Variants in TECR observed in about 807,000 individuals in gnomAD.
The protein encoded by TECR is very-long-chain enoyl-CoA reductase.
Under a neutral mutation model 50.6 loss-of-function variants are expected in TECR, and 19 were observed. The ratio of observed to expected loss-of-function variants is 0.38; its 90% CI spans 0.26 to 0.55. TECR has a LOEUF of 0.55. Ranked by LOEUF, TECR falls within the 20% of genes least tolerant of loss-of-function variation. The pLI is 0.79. For synonymous variants in TECR, 168 were observed against 163.5 expected (o/e 1.03, Z -0.21); for missense variants, 313 against 408.3 (o/e 0.77, Z 2.01).
intron 1 of TECR, among the ~76,000 whole-genome samples, chr19:14,538,243 G>T (rs369147424): frequency 1.3e-5 from 2 of 152,128 alleles, no homozygotes; most frequent in East Asian, 3.9e-4. Context: ...ACTGGGGAAA[G>T]AATCAAGTGT....
chr19:14,530,177 A>T (rs2072575948), intron 1 of TECR: 1 of 192,126 alleles, frequency 5.2e-6, no homozygotes, highest in Admixed American at 5.4e-5. Flanking sequence ...TTCCCGGGAG[A>T]CTTAGGCGGT....
rs2073745395 is a variant in TECR at position 14,556,856 on chromosome 19, G to A, written c.16-5669G>A. On this transcript the variant is annotated intron_variant, in intron 1 of 12. Coordinates refer to ENST00000215567, the MANE Select transcript of TECR (RefSeq NM_138501.6). Reference sequence around the variant, plus strand: ...GGCAGTGGGGAGCGTCGCAGCCTCCGCCGCTTGCAGCCAGTCATCCCGGTG... The same window carrying A: ...GGCAGTGGGGAGCGTCGCAGCCTCCACCGCTTGCAGCCAGTCATCCCGGTG... Among the ~76,000 whole-genome samples the A allele has an allele frequency of 1.3e-5, 2 of 152,122 alleles. 1 individual carries two copies. Among genetic ancestry groups the A allele is most frequent in the South Asian group, 4.1e-4 (2 of 4,824 alleles).
upstream of TECR, chr19:14,529,040 G>C (rs2072508091): frequency 6.4e-6 from 1 of 156,758 alleles, no homozygotes; most frequent in Non-Finnish European, 1.4e-5. Flanking sequence ...GTTCTTGCAG[G>C]TTGGGGGTTC....
intron 2 of TECR, 124 bp downstream of exon 2, chr19:14,562,699 C>A: frequency 8.9e-7 from 1 of 1,120,636 alleles, no homozygotes; most frequent in Non-Finnish European, 1.4e-6. Flanking sequence ...GAGGGGTATG[C>A]CCTCACTTGG....
chr19:14,528,115 C>G (rs1313603159), upstream of TECR, among the ~76,000 whole-genome samples: 1 of 151,948 alleles, frequency 6.6e-6, no homozygotes, highest in South Asian at 2.1e-4. Flanking sequence ...AATTCCTGAC[C>G]TCATGTGATC....
At chr19:14,558,977 G>T (rs2073826487) in intron 1 of TECR, among the ~76,000 whole-genome samples, 1 of 152,158 alleles carries the variant, frequency 6.6e-6, no homozygotes, top group African/African-American at 2.4e-5. Flanking sequence ...TCAGGCCTGG[G>T]CAGGCGTGTG....
At chr19:14,550,496 G>A (rs552454182) in intron 1 of TECR, among the ~76,000 whole-genome samples, 310 of 152,154 alleles carry the variant, frequency 2.0e-3, no homozygotes, top group Non-Finnish European at 2.2e-3. Context: ...TTCCTGGTCC[G>A]ACAGCGCCTT....
chr19:14,550,378 C>G (rs1313779890), intron 1 of TECR, among the ~76,000 whole-genome samples: 1 of 152,134 alleles, frequency 6.6e-6, no homozygotes, highest in Non-Finnish European at 1.5e-5. Context: ...TGGGGGTGGA[C>G]TAACCTGTCT....
chr19:14,533,073 C>T (rs1439977231), intron 1 of TECR, among the ~76,000 whole-genome samples: 1 of 151,814 alleles, frequency 6.6e-6, no homozygotes. Flanking sequence ...GATCACGCCA[C>T]TGTACTCCAG....
chr19:14,560,748 C>T (rs560682905), intron 1 of TECR, among the ~76,000 whole-genome samples: 1 of 152,316 alleles, frequency 6.6e-6, no homozygotes, highest in South Asian at 2.1e-4. Context: ...CCCTCCTGTC[C>T]AGGAAGTGGG....
At chr19:14,534,844 G>T (rs1013109051) in intron 1 of TECR, among the ~76,000 whole-genome samples, 1 of 152,184 alleles carries the variant, frequency 6.6e-6, no homozygotes, top group Non-Finnish European at 1.5e-5. Context: ...AGGTCACAGA[G>T]CCTGGAAGCC....
chr19:14,551,152 A>T (rs547525749), intron 1 of TECR, among the ~76,000 whole-genome samples: 1 of 151,186 alleles, frequency 6.6e-6, no homozygotes, highest in Non-Finnish European at 1.5e-5. Flanking sequence ...GCTCACTGCA[A>T]CCTCCACCTC....
Position 14,563,121 on chromosome 19 carries a change from C to A in TECR, c.67-85C>A, listed in dbSNP as rs1041291455. ...CTTCCCATAGCTACAGCCCAACCCC[C>A]AGCCTGCCATCCCCTTTAGTACCTC... On this transcript the variant is annotated intron_variant, in intron 2 of 12. Transcript: ENST00000215567. The surrounding 1 kb of genome is among the most constrained non-coding windows in gnomAD (Gnocchi z 5.3). 1 of 1,588,626 alleles carries A rather than the reference C, an allele frequency of 6.3e-7. No homozygotes were observed. The highest frequency in any genetic ancestry group is 8.6e-7 in the Non-Finnish European group (1 of 1,160,178).
upstream of TECR, chr19:14,529,095 T>TC (rs1260839005): frequency 6.4e-6 from 1 of 157,104 alleles, no homozygotes; most frequent in East Asian, 1.9e-4. Context: ...TTTCCTTCCC[T>TC]CCCACTCAAG....
At chr19:14,532,669 G>GGA (rs2072718496) in intron 1 of TECR, 1 of 152,126 alleles carries the variant, frequency 6.6e-6, no homozygotes, top group South Asian at 2.1e-4. Context: ...CTTCTGGGTG[G>GGA]GAGAAGCAGT....
intron 1 of TECR, among the ~76,000 whole-genome samples, chr19:14,552,200 C>G (rs1205203190): frequency 7.7e-6 from 1 of 130,460 alleles, no homozygotes; most frequent in African/African-American, 2.9e-5. Context: ...GATAGCGTGT[C>G]TTCTGTCCCC....
Position 14,563,385 on chromosome 19 carries a change from T to G in TECR, c.118+128T>G, listed in dbSNP as rs1485204105. On this transcript the variant is annotated intron_variant, in intron 3 of 12. Transcript: ENST00000215567. The surrounding 1 kb of genome is among the most constrained non-coding windows in gnomAD (Gnocchi z 5.3). ...GATGCCCCAGTGTGGCCCAGGCTTC[T>G]GGGGCGTGACTGGGGCAGGCGCCTC... is the stretch of plus-strand genomic sequence containing the variant. The G allele has an allele frequency of 9.9e-7, 1 of 1,011,666 alleles. No homozygotes were observed. The highest frequency in any genetic ancestry group is 1.6e-5 in the African/African-American group (1 of 62,264). The allele number at this position is 1,011,666 out of a possible 1,614,324, so 62.7% of individuals were successfully genotyped here.
intron 7 of TECR, 69 bp downstream of exon 7, chr19:14,564,356 G>T (rs1300392037): frequency 3.1e-6 from 3 of 967,140 alleles, no homozygotes; most frequent in African/African-American, 4.1e-5. Context: ...CCCCCACCGA[G>T]CCCCACCCCA....
intron 1 of TECR, among the ~76,000 whole-genome samples, chr19:14,549,795 T>G (rs915832338): frequency 1.3e-5 from 2 of 151,852 alleles, no homozygotes; most frequent in Non-Finnish European, 2.9e-5. Context: ...ATACAAAAAT[T>G]AGCTGGGCAT....
Sources: allele counts gnomAD v4.1 joint callset (sites outside exome capture counted in the v4.1 genomes callset), GRCh38; gene constraint gnomAD v4.1.1; non-coding constraint Gnocchi (gnomAD v3.1); transcripts MANE v1.5; gene names NCBI Gene and HGNC (gene_info 2026-07-23, HGNC 2026-07-21).